Variants in RAB3GAP1 observed in about 807,000 individuals in gnomAD.
RAB3GAP1 encodes the protein RAB3 GTPase activating protein catalytic subunit 1, also known as rab3 GTPase-activating protein catalytic subunit.
In RAB3GAP1, 86 loss-of-function variants were observed where a neutral mutation model predicts 130.7. The observed-to-expected ratio is 0.66, with a 90% CI of 0.55 to 0.79. RAB3GAP1 has a LOEUF of 0.79. RAB3GAP1 is among the 30% of genes least tolerant of loss of function. The pLI is 0.00. For missense variants in RAB3GAP1, 1,029 were observed against 1,169.4 expected (o/e 0.88, Z 1.75); for synonymous variants, 367 against 401.7 (o/e 0.91, Z 1.03).
intron 3 of RAB3GAP1, among the ~76,000 whole-genome samples, chr2:135,076,516 A>T (rs1440354398): frequency 6.6e-6 from 1 of 152,150 alleles, no homozygotes; most frequent in Non-Finnish European, 1.5e-5. Flanking sequence ...AGATATGCTG[A>T]CCAATTTTCT....
chr2:135,112,892 G>A (rs1218871441), intron 5 of RAB3GAP1, among the ~76,000 whole-genome samples: 1 of 151,542 alleles, frequency 6.6e-6, no homozygotes, highest in African/African-American at 2.4e-5. Flanking sequence ...ATATATCTGA[G>A]CCTATTTTAG....
intron 3 of RAB3GAP1, among the ~76,000 whole-genome samples, chr2:135,061,121 C>A (rs1689159657): frequency 6.6e-6 from 1 of 150,732 alleles, no homozygotes; most frequent in Admixed American, 6.6e-5. Flanking sequence ...TTTTGAGATT[C>A]ATCTAGGTTG....
intron 5 of RAB3GAP1, among the ~76,000 whole-genome samples, chr2:135,105,747 G>T (rs1172328954): frequency 2.0e-5 from 3 of 151,678 alleles, no homozygotes; most frequent in Admixed American, 1.3e-4. Flanking sequence ...GGGAAGTGAG[G>T]AGCGCCTCTT....
chr2:135,156,157 A>G (rs1692303064), intron 19 of RAB3GAP1, among the ~76,000 whole-genome samples: 1 of 152,186 alleles, frequency 6.6e-6, no homozygotes, highest in African/African-American at 2.4e-5. Context: ...GTAAAAACAG[A>G]AAGTATAAAC....
At chr2:135,059,887 T>A (rs958664805) in intron 3 of RAB3GAP1, among the ~76,000 whole-genome samples, 1 of 152,156 alleles carries the variant, frequency 6.6e-6, no homozygotes, top group Admixed American at 6.5e-5. Context: ...GCTGTAACTA[T>A]GATGAATATG....
chr2:135,141,145 A>G (rs1573590549), intron 17 of RAB3GAP1, among the ~76,000 whole-genome samples: 1 of 147,162 alleles, frequency 6.8e-6, no homozygotes, highest in African/African-American at 2.5e-5. Context: ...TTATTACTTT[A>G]TAGGAATTCT....
In RAB3GAP1 at chr2:135,074,831, A is replaced by T. The variant is rs1348952718; in HGVS notation, c.151-16167A>T. On this transcript the variant is annotated intron_variant, in intron 3 of 23. Coordinates refer to ENST00000264158, the MANE Select transcript of RAB3GAP1 (RefSeq NM_012233.3). ...GAAGATACGATACTGGCAGCACAGCAGAGAAGGGGCTGTCTACTAAGAGGC... is the reference window on the plus strand; with the variant it reads ...GAAGATACGATACTGGCAGCACAGCTGAGAAGGGGCTGTCTACTAAGAGGC... Among the ~76,000 whole-genome samples, 11 of 152,352 alleles carry T rather than the reference A, an allele frequency of 7.2e-5. No homozygotes were observed. The South Asian group carries it at 1.5e-3, about 20-fold the overall frequency.
intron 2 of RAB3GAP1, among the ~76,000 whole-genome samples, chr2:135,056,818 A>G (rs1689026540): frequency 6.6e-6 from 1 of 152,224 alleles, no homozygotes; most frequent in African/African-American, 2.4e-5. Flanking sequence ...ATTAGTAAGA[A>G]GCCTCAGATG....
At chr2:135,153,368 C>G (rs1035824592) in intron 18 of RAB3GAP1, among the ~76,000 whole-genome samples, 3 of 151,674 alleles carry the variant, frequency 2.0e-5, no homozygotes, top group Admixed American at 2.0e-4. Flanking sequence ...TTATATAACA[C>G]ATAATGTGTT....
chr2:135,102,596 G>A (rs1690477469), intron 5 of RAB3GAP1, among the ~76,000 whole-genome samples: 1 of 152,210 alleles, frequency 6.6e-6, no homozygotes, highest in Non-Finnish European at 1.5e-5. Context: ...CCATGGCTCT[G>A]CCTTTGTTGA....
chr2:135,102,079 C>A (rs1311406816), intron 5 of RAB3GAP1, among the ~76,000 whole-genome samples: 13 of 152,122 alleles, frequency 8.5e-5, no homozygotes, highest in Non-Finnish European at 1.8e-4. Flanking sequence ...ATTAAGGGAG[C>A]ATTAACATTA....
At chr2:135,084,650 A>G (rs1689924625) in intron 3 of RAB3GAP1, among the ~76,000 whole-genome samples, 1 of 152,076 alleles carries the variant, frequency 6.6e-6, no homozygotes, top group African/African-American at 2.4e-5. Flanking sequence ...ACTGGTTAAC[A>G]TACTGGTTAG....
intron 17 of RAB3GAP1, chr2:135,136,595 G>C: frequency 2.1e-6 from 1 of 470,540 alleles, no homozygotes; most frequent in Non-Finnish European, 3.4e-6. Flanking sequence ...ACTGAGCAGT[G>C]AATGCTCAGA....
chr2:135,082,074 G>A (rs546230889), intron 3 of RAB3GAP1, among the ~76,000 whole-genome samples: 64 of 151,966 alleles, frequency 4.2e-4, no homozygotes, highest in Non-Finnish European at 4.9e-4. Context: ...CCCAGGAGGC[G>A]GAGGTTGCAG....
At chr2:135,135,450 G>A in intron 16 of RAB3GAP1, 114 bp from the exon 17 acceptor site, 1 of 1,442,472 alleles carries the variant, frequency 6.9e-7, no homozygotes, top group Non-Finnish European at 9.6e-7. Flanking sequence ...AGTAGTCACT[G>A]CAATTCACAA....
chr2:135,175,707 C>T (rs1187970650), downstream of RAB3GAP1: 2 of 152,154 alleles, frequency 1.3e-5, no homozygotes, highest in Non-Finnish European at 2.9e-5. Flanking sequence ...TATGTTGGGT[C>T]ACTTCTCAGG....
intron 19 of RAB3GAP1, among the ~76,000 whole-genome samples, chr2:135,161,471 A>G (rs1160165388): frequency 1.3e-5 from 2 of 152,180 alleles, no homozygotes; most frequent in African/African-American, 4.8e-5. Context: ...AGTAAACAAT[A>G]TATTATTTAA....
At chr2:135,052,363 C>T (rs1368295024) in intron 1 of RAB3GAP1, 38 bp downstream of exon 1, 1 of 1,614,038 alleles carries the variant, frequency 6.2e-7, no homozygotes, top group Non-Finnish European at 8.5e-7. Context: ...TTGTCACTAT[C>T]TAAATTCGTT....
intron 7 of RAB3GAP1, among the ~76,000 whole-genome samples, chr2:135,117,464 TTCTG>T (rs1691013084): frequency 2.0e-5 from 3 of 150,864 alleles, no homozygotes; most frequent in South Asian, 2.1e-4. Flanking sequence ...CTGCTTCTGC[TTCTG>T]CTTCTGCTTC....
Sources: gnomAD v4.1 joint callset for allele counts (sites outside exome capture counted in the v4.1 genomes callset) on GRCh38, gnomAD v4.1.1 for gene constraint, MANE v1.5 for transcripts, NCBI Gene and HGNC (gene_info 2026-07-23, HGNC 2026-07-21) for gene names.